The following WDPCP variants were observed in gnomAD, a reference collection of about 807,000 sequenced individuals.
WDPCP encodes WD repeat containing planar cell polarity effector, also known as WD repeat-containing and planar cell polarity effector protein fritz homolog.
In WDPCP, 71 loss-of-function variants were observed where a neutral mutation model predicts 93.1. The observed-to-expected ratio is 0.76, with a 90% CI of 0.63 to 0.93. WDPCP has a LOEUF of 0.93. Ranked by LOEUF, WDPCP falls within the 40% of genes least tolerant of loss-of-function variation. The pLI is 0.00. For missense variants in WDPCP, 844 were observed against 887.4 expected, an observed-to-expected ratio of 0.95 and a Z score of 0.62; for synonymous variants, 315 against 315.0, an observed-to-expected ratio of 1.00 and a Z score of 0.00.
At chr2:63,228,211 A>G (rs2104530918) in intron 14 of WDPCP, among the ~76,000 whole-genome samples, 1 of 152,168 alleles carries the variant, frequency 6.6e-6, no homozygotes, top group South Asian at 2.1e-4. Context: ...CTCTTAAATT[A>G]GCAAGTCACA....
chr2:63,740,201 C>T (rs1312717600), intron 2 of WDPCP, among the ~76,000 whole-genome samples: 1 of 152,066 alleles, frequency 6.6e-6, no homozygotes, highest in Non-Finnish European at 1.5e-5. Context: ...AAGTATATAG[C>T]TTGGGGTAGA....
intron 3 of WDPCP, among the ~76,000 whole-genome samples, chr2:63,625,537 GACAA>G (rs1374864069): frequency 1.3e-5 from 2 of 152,112 alleles, no homozygotes; most frequent in East Asian, 1.9e-4. Flanking sequence ...ACGGATAATA[GACAA>G]ACAGAGAGCC....
At chr2:63,738,015 C>T (rs1377978409) in intron 2 of WDPCP, among the ~76,000 whole-genome samples, 2 of 152,184 alleles carry the variant, frequency 1.3e-5, no homozygotes, top group African/African-American at 2.4e-5. Flanking sequence ...CCACCCCCAG[C>T]ATTTCTAATT....
chr2:63,290,974 A>G (rs1386144924), intron 13 of WDPCP, among the ~76,000 whole-genome samples: 3 of 152,054 alleles, frequency 2.0e-5, no homozygotes, highest in African/African-American at 7.2e-5. Context: ...GTAGGCCAAT[A>G]TTTTTCACCA....
intron 3 of WDPCP, among the ~76,000 whole-genome samples, chr2:63,617,672 T>C (rs1464413386): frequency 1.3e-5 from 2 of 152,288 alleles, no homozygotes; most frequent in East Asian, 1.9e-4. Flanking sequence ...GTGATAAAAG[T>C]TGTCTTCAGG....
At chr2:63,295,540 TA>T (rs1281807589) in intron 13 of WDPCP, among the ~76,000 whole-genome samples, 7 of 52,996 alleles carry the variant, frequency 1.3e-4, no homozygotes, top group African/African-American at 1.8e-4. Context: ...TTACAAGAGA[TA>T]AAAAAAAGAA....
intron 3 of WDPCP, among the ~76,000 whole-genome samples, chr2:63,638,310 TTCTC>T (rs148104908): frequency 1.0e-4 from 15 of 148,712 alleles, no homozygotes; most frequent in East Asian, 3.9e-4. Context: ...CTCTCTCTCA[TTCTC>T]TCTCTCTCTC....
chr2:63,144,182 G>GTTCA (rs1401792040), intron 17 of WDPCP, among the ~76,000 whole-genome samples: 7 of 152,042 alleles, frequency 4.6e-5, no homozygotes, highest in Non-Finnish European at 1.0e-4. Flanking sequence ...TTAGTTCAAA[G>GTTCA]ACCTTGTTTT....
intron 2 of WDPCP, among the ~76,000 whole-genome samples, chr2:63,747,673 G>A (rs553371521): frequency 6.5e-4 from 99 of 152,034 alleles, no homozygotes; most frequent in African/African-American, 2.1e-3. Flanking sequence ...ACTATCTTAA[G>A]AACCACAGCT....
In WDPCP at chr2:63,436,791, T is replaced by C. The variant is rs577122103; in HGVS notation, c.633+630A>G. On this transcript the variant is annotated intron_variant, in intron 8 of 17. Coordinates refer to ENST00000272321, the MANE Select transcript of WDPCP (RefSeq NM_015910.7). ...TGCCTTCCCAGCAGTTAAAATGTAATGTGGCAAAACTCAAATTAAACACAT... is the reference window on the plus strand; with the variant it reads ...TGCCTTCCCAGCAGTTAAAATGTAACGTGGCAAAACTCAAATTAAACACAT... Among the ~76,000 whole-genome samples the C allele has an allele frequency of 6.6e-5, 10 of 152,186 alleles. No homozygotes were observed. In the East Asian group the frequency reaches 1.5e-3, roughly 24 times the overall value.
At chr2:63,593,703 T>A (rs1709245922), upstream of WDPCP, 1 of 471,210 alleles carries the variant, frequency 2.1e-6, no homozygotes, top group Non-Finnish European at 4.4e-6. Flanking sequence ...CTTAACTGAA[T>A]TTTTCTGTCT....
At chr2:63,229,352 G>C (rs1678611686) in intron 14 of WDPCP, 1 of 152,040 alleles carries the variant, frequency 6.6e-6, no homozygotes, top group Non-Finnish European at 1.5e-5. Context: ...CAGATGAGTA[G>C]GTTGCAAAAA....
chr2:63,643,341 GGGA>G, intron 3 of WDPCP: 1 of 389,002 alleles, frequency 2.6e-6, no homozygotes, highest in Non-Finnish European at 4.9e-6. Context: ...CCTTTCCTCA[GGGA>G]GGAGAAGTTC....
At chr2:63,619,254 T>C (rs528155367) in intron 3 of WDPCP, among the ~76,000 whole-genome samples, 1 of 152,282 alleles carries the variant, frequency 6.6e-6, no homozygotes, top group South Asian at 2.1e-4. Context: ...GGGTCATGGG[T>C]AACAGATCAT....
chr2:63,354,064 C>T (rs763149502), intron 12 of WDPCP, among the ~76,000 whole-genome samples: 18 of 152,110 alleles, frequency 1.2e-4, no homozygotes, highest in Non-Finnish European at 2.2e-4. Flanking sequence ...ACAGTGGAAC[C>T]GCCCTTGCCA....
At chr2:63,273,835 A>ATG (rs1682862964) in intron 13 of WDPCP, among the ~76,000 whole-genome samples, 1 of 151,996 alleles carries the variant, frequency 6.6e-6, no homozygotes, top group African/African-American at 2.4e-5. Flanking sequence ...ACGCACACAC[A>ATG]CACACACACA....
intron 9 of WDPCP, among the ~76,000 whole-genome samples, chr2:63,404,888 A>T (rs1456089200): frequency 6.6e-6 from 1 of 152,200 alleles, no homozygotes; most frequent in Non-Finnish European, 1.5e-5. Context: ...TAAAAAATAT[A>T]CATATAGCAC....
chr2:63,759,190 C>G (rs889853459), intron 2 of WDPCP, among the ~76,000 whole-genome samples: 27 of 152,192 alleles, frequency 1.8e-4, no homozygotes, highest in African/African-American at 6.5e-4. Flanking sequence ...GCTTTAGGAC[C>G]CCTCACTTGC....
chr2:63,350,349 T>A (rs956699405), intron 12 of WDPCP, among the ~76,000 whole-genome samples: 1 of 152,062 alleles, frequency 6.6e-6, no homozygotes, highest in African/African-American at 2.4e-5. Flanking sequence ...AAATGACTAG[T>A]TGATGGGTGC....
Sources: gnomAD v4.1 joint callset for allele counts (sites outside exome capture counted in the v4.1 genomes callset) on GRCh38, gnomAD v4.1.1 for gene constraint, MANE v1.5 for transcripts, NCBI Gene and HGNC (gene_info 2026-07-23, HGNC 2026-07-21) for gene names.